The following SLC39A12 variants were observed in gnomAD, a reference collection of about 807,000 sequenced individuals.
The protein encoded by SLC39A12 is solute carrier family 39 member 12, also known as zinc transporter ZIP12.
Under a neutral mutation model 71.1 loss-of-function variants are expected in SLC39A12, and 63 were observed. The observed-to-expected ratio is 0.89, with a 90% CI of 0.72 to 1.09. SLC39A12 has a LOEUF of 1.09. SLC39A12 is among the 50% of genes least tolerant of loss of function. The probability of loss-of-function intolerance (pLI) is 0.00; values close to 1 mark genes in which losing one functional copy is unlikely to be tolerated. For synonymous variants in SLC39A12, 351 were observed against 301.3 expected, an observed-to-expected ratio of 1.16 and a Z score of -1.71; for missense variants, 892 against 812.6, an observed-to-expected ratio of 1.10 and a Z score of -1.19.
rs752345697 is a variant in SLC39A12, at chr10:17,977,958, A to C, written c.808A>C (p.Lys270Gln). 6.2e-7 allele frequency: 1 copy of C among 1,612,144 alleles called. No homozygotes were observed. Among genetic ancestry groups the C allele is most frequent in the South Asian group, 1.1e-5 (1 of 90,700 alleles). ...WTRSTCIKNE[K>Q]IHQFQRKQNN... is the part of the protein sequence containing the mutation. ...CAGAAGTACTTGTATCAAAAATGAGAAAATCCATCAATTTCAAAGGAAACA... is the reference window on the plus strand; with the variant it reads ...CAGAAGTACTTGTATCAAAAATGAGCAAATCCATCAATTTCAAAGGAAACA... Residue 270 changes from lysine (K) to glutamine (Q), a missense_variant, in exon 5 of 13, where the codon AAA (lysine) becomes CAA (glutamine). Transcript: ENST00000377369.
intron 12 of SLC39A12, among the ~76,000 whole-genome samples, chr10:18,036,789 TA>T (rs1450372267): frequency 0.027 from 529 of 19,420 alleles, 32 homozygotes; most frequent in Non-Finnish European, 0.036. Flanking sequence ...TATATATATA[TA>T]TATATTTTTT....
chr10:18,034,785 C>T (rs945266137), intron 12 of SLC39A12, among the ~76,000 whole-genome samples: 7 of 149,898 alleles, frequency 4.7e-5, no homozygotes, highest in Non-Finnish European at 8.9e-5. Context: ...GCGGCTGGTA[C>T]CGGTTGTTCC....
chr10:18,029,164 C>T (rs531301812), intron 12 of SLC39A12, among the ~76,000 whole-genome samples: 217 of 152,240 alleles, frequency 1.4e-3, no homozygotes, highest in African/African-American at 5.0e-3. Context: ...AGCCACCGTG[C>T]CCAGCCCAAA....
chr10:18,023,560 G>A (rs994119111), intron 12 of SLC39A12, among the ~76,000 whole-genome samples: 1 of 152,094 alleles, frequency 6.6e-6, no homozygotes, highest in Non-Finnish European at 1.5e-5. Flanking sequence ...TGTTCATTGT[G>A]GTGGGGTGGC....
chr10:18,042,338 G>T (rs1350994412), intron 12 of SLC39A12, among the ~76,000 whole-genome samples: 2 of 151,804 alleles, frequency 1.3e-5, no homozygotes, highest in Non-Finnish European at 2.9e-5. Context: ...AATTAGCTGG[G>T]TGCAATGGCA....
intron 7 of SLC39A12, among the ~76,000 whole-genome samples, chr10:17,990,517 A>G (rs953627638): frequency 1.3e-5 from 2 of 152,186 alleles, no homozygotes; most frequent in African/African-American, 4.8e-5. Flanking sequence ...CTGGCTCACA[A>G]GAAATCATGA....
At chr10:18,027,865 C>T (rs1002242479) in intron 12 of SLC39A12, among the ~76,000 whole-genome samples, 1 of 152,176 alleles carries the variant, frequency 6.6e-6, no homozygotes, top group Non-Finnish European at 1.5e-5. Context: ...TAGATGCCTG[C>T]CTTCTGCAAG....
intron 12 of SLC39A12, among the ~76,000 whole-genome samples, chr10:18,012,646 A>ATCACGAGG (rs1836259231): frequency 6.6e-6 from 1 of 152,166 alleles, no homozygotes. Context: ...AGACAGGCGG[A>ATCACGAGG]TCACGAGGTC....
At chr10:17,993,555 C>T (rs111651062) in intron 9 of SLC39A12, among the ~76,000 whole-genome samples, 38 of 152,324 alleles carry the variant, frequency 2.5e-4, no homozygotes, top group African/African-American at 8.7e-4. Context: ...ATCATAGACA[C>T]GTCCTTAATC....
intron 12 of SLC39A12, among the ~76,000 whole-genome samples, chr10:18,042,250 T>A (rs138224274): frequency 0.014 from 2,149 of 152,088 alleles, 41 homozygotes; most frequent in Non-Finnish European, 0.018. Context: ...GGCCGCAACA[T>A]GCAGGTTGCT....
chr10:18,027,940 G>A (rs1021558246), intron 12 of SLC39A12, among the ~76,000 whole-genome samples: 104 of 152,182 alleles, frequency 6.8e-4, no homozygotes, highest in African/African-American at 2.4e-3. Context: ...TGTTCCTCTA[G>A]AAATTAAACA....
chr10:17,968,750 A>C (rs1484836349), intron 4 of SLC39A12, among the ~76,000 whole-genome samples: 2 of 152,254 alleles, frequency 1.3e-5, no homozygotes, highest in South Asian at 4.1e-4. Context: ...CATCATAGAG[A>C]ATGGGGTATC....
chr10:18,011,096 C>A (rs535190401), intron 12 of SLC39A12, among the ~76,000 whole-genome samples: 2 of 151,776 alleles, frequency 1.3e-5, no homozygotes, highest in Non-Finnish European at 2.9e-5. Context: ...TCCTTCCTTC[C>A]TTTCTTTTTT....
chr10:18,012,434 T>C (rs1836253497), intron 12 of SLC39A12, among the ~76,000 whole-genome samples: 1 of 152,202 alleles, frequency 6.6e-6, no homozygotes, highest in African/African-American at 2.4e-5. Flanking sequence ...AAAGCTCATC[T>C]CTGTGCATAT....
chr10:17,975,965 A>C (rs186084579), intron 4 of SLC39A12, among the ~76,000 whole-genome samples: 1 of 152,184 alleles, frequency 6.6e-6, no homozygotes, highest in East Asian at 1.9e-4. Context: ...CATTGAGTTC[A>C]ATGCCTCAAA....
At chr10:18,019,946 C>G (rs2130873748) in intron 12 of SLC39A12, among the ~76,000 whole-genome samples, 1 of 152,158 alleles carries the variant, frequency 6.6e-6, no homozygotes, top group East Asian at 1.9e-4. Context: ...CTGAATTCAA[C>G]TATGTCTACT....
rs117207822 is a variant in SLC39A12, at chr10:17,994,263, G to A, written c.1533+972G>A. 1.6e-3 allele frequency among the ~76,000 whole-genome samples: 246 copies of A among 152,244 alleles called. 1 individual carries two copies. The highest frequency in any genetic ancestry group is 2.6e-3 in the Non-Finnish European group (174 of 68,020). On this transcript the variant is annotated intron_variant, in intron 9 of 12. Coordinates refer to ENST00000377369, the MANE Select transcript of SLC39A12 (RefSeq NM_001145195.2). ...CAAATCTCTGAAGGTACCTTAGTGA[G>A]TCTTGAGCTATTTGAACACTCCAGC...
intron 10 of SLC39A12, among the ~76,000 whole-genome samples, chr10:17,997,942 C>T (rs1286546687): frequency 6.6e-6 from 1 of 152,168 alleles, no homozygotes; most frequent in Non-Finnish European, 1.5e-5. Context: ...AAATATTATA[C>T]TTAATTCTGT....
At position 17,993,223 on chromosome 10, in the gene SLC39A12, C is replaced by G; in HGVS notation, c.1465C>G (p.His489Asp). The change falls in exon 9 of 13, where the codon CAT becomes GAT. Residue 489 changes from histidine (H) to aspartate (D), a missense_variant. By Grantham distance (81) the His-to-Asp change is moderately conservative (BLOSUM62 -1). Coordinates refer to ENST00000377369, the MANE Select transcript of SLC39A12 (RefSeq NM_001145195.2). Reference protein sequence around the residue: ...LVNGHVGHSHHLALNSELSDQ... With the variant: ...LVNGHVGHSHDLALNSELSDQ... ...TAATGGGCACGTGGGTCATTCCCACCATCTTGCACTCAACTCTGAATTAAG... is the reference window on the plus strand; with the variant it reads ...TAATGGGCACGTGGGTCATTCCCACGATCTTGCACTCAACTCTGAATTAAG... The G allele has an allele frequency of 1.3e-6, 2 of 1,551,766 alleles. No homozygotes were observed. Among genetic ancestry groups the G allele is most frequent in the Non-Finnish European group, 1.7e-6 (2 of 1,146,946 alleles).
Sources: allele counts gnomAD v4.1 joint callset (sites outside exome capture counted in the v4.1 genomes callset), GRCh38; gene constraint gnomAD v4.1.1; transcripts MANE v1.5; gene names NCBI Gene and HGNC (gene_info 2026-07-23, HGNC 2026-07-21).